RBM34: variants seen among roughly 807,000 people sequenced by gnomAD.
RBM34 encodes RNA binding motif protein 34, also known as RNA-binding protein 34.
In RBM34, 39 loss-of-function variants were observed where a neutral mutation model predicts 44.6. The ratio of observed to expected loss-of-function variants is 0.87; its 90% CI spans 0.68 to 1.14. RBM34 has a LOEUF of 1.14. RBM34 is among the 50% of genes most tolerant of loss of function. The pLI, the probability that RBM34 is intolerant of heterozygous loss-of-function variation, is 0.00. For synonymous variants in RBM34, 194 were observed against 184.0 expected (o/e 1.05, Z -0.44); for missense variants, 572 against 517.9 (o/e 1.10, Z -1.01).
chr1:235,150,628 G>C (rs549679312), intron 5 of RBM34, among the ~76,000 whole-genome samples: 58 of 152,222 alleles, frequency 3.8e-4, no homozygotes, highest in African/African-American at 1.3e-3. Flanking sequence ...AGGAGAGGCA[G>C]GGCCACACTG....
At chr1:235,150,823 T>G (rs1430744287) in intron 5 of RBM34, among the ~76,000 whole-genome samples, 1 of 152,050 alleles carries the variant, frequency 6.6e-6, no homozygotes, top group Non-Finnish European at 1.5e-5. Context: ...GGATGGGTGC[T>G]GTCAAATGCA....
chr1:235,135,327 C>T (rs1661379742), intron 10 of RBM34, among the ~76,000 whole-genome samples: 1 of 151,986 alleles, frequency 6.6e-6, no homozygotes, highest in South Asian at 2.1e-4. Context: ...CTCCCGGGTT[C>T]AAGCGATTCT....
intron 3 of RBM34, among the ~76,000 whole-genome samples, chr1:235,156,176 T>C (rs1361784823): frequency 6.6e-6 from 1 of 151,792 alleles, no homozygotes; most frequent in Non-Finnish European, 1.5e-5. Flanking sequence ...TCTCCTTTTA[T>C]ATTTTTTTGT....
At chr1:235,156,315 A>C (rs1662441150) in intron 3 of RBM34, among the ~76,000 whole-genome samples, 1 of 152,114 alleles carries the variant, frequency 6.6e-6, no homozygotes, top group Non-Finnish European at 1.5e-5. Flanking sequence ...GAATAAGTGA[A>C]GCTCAATTTT....
At chr1:235,160,188 G>C in intron 3 of RBM34, 1 of 458,812 alleles carries the variant, frequency 2.2e-6, no homozygotes, top group Non-Finnish European at 4.3e-6. Flanking sequence ...GGAAGCGGAG[G>C]TTGCAGTGAG....
intron 6 of RBM34, among the ~76,000 whole-genome samples, chr1:235,143,458 G>A (rs7534039): frequency 0.15 from 22,908 of 152,180 alleles, 1,891 homozygotes; most frequent in Middle Eastern, 0.22. Flanking sequence ...GAATGGGGCC[G>A]GGTGCGATGG....
Position 235,138,139 on chromosome 1 carries a change from G to T in RBM34, c.737C>A (p.Ala246Asp). Reference sequence around the variant, plus strand: ...ACTCTCCTCCTTAAACACAACATAGGCATTAATATTTTTCTGATCAGGATG... The same window carrying T: ...ACTCTCCTCCTTAAACACAACATAGTCATTAATATTTTTCTGATCAGGATG... Reference protein sequence around the residue: ...KIHPDQKNINAYVVFKEESAA... With the variant: ...KIHPDQKNINDYVVFKEESAA... The change falls in exon 7 of 11, where the codon GCC (alanine) becomes GAC (aspartate). Residue 246 changes from alanine to aspartate, a missense_variant. By Grantham distance (126) the Ala-to-Asp change is moderately radical. Coordinates refer to ENST00000408888, the MANE Select transcript of RBM34 (RefSeq NM_015014.4). 6.2e-7 allele frequency: 1 copy of T among 1,603,880 alleles called. No homozygotes were observed. The highest frequency in any genetic ancestry group is 8.5e-7 in the Non-Finnish European group (1 of 1,176,996).
chr1:235,160,218 C>T (rs1315407959), intron 3 of RBM34: 2 of 512,058 alleles, frequency 3.9e-6, no homozygotes, highest in Non-Finnish European at 7.5e-6. Flanking sequence ...CTGCACTCTA[C>T]TGCAGCCTGG....
chr1:235,153,319 C>CT (rs1261693219), intron 4 of RBM34, among the ~76,000 whole-genome samples: 1 of 151,494 alleles, frequency 6.6e-6, no homozygotes, highest in Non-Finnish European at 1.5e-5. Context: ...CGGATGTATG[C>CT]TTTTCTTTCA....
intron 3 of RBM34, among the ~76,000 whole-genome samples, chr1:235,158,113 T>G (rs559495534): frequency 2.0e-5 from 3 of 151,940 alleles, no homozygotes; most frequent in African/African-American, 7.2e-5. Context: ...CACGTCTATA[T>G]TAGCAGAAAG....
intron 8 of RBM34, among the ~76,000 whole-genome samples, chr1:235,136,327 T>C (rs1389724708): frequency 4.6e-5 from 7 of 152,216 alleles, no homozygotes; most frequent in Admixed American, 3.9e-4. Flanking sequence ...GACTGCTATA[T>C]TGGGAGCATG....
chr1:235,148,288 G>T, intron 6 of RBM34, 116 bp downstream of exon 6: 1 of 644,496 alleles, frequency 1.6e-6, no homozygotes, highest in Non-Finnish European at 2.5e-6. Context: ...AGTCAATCAT[G>T]CTCTATTATC....
At chr1:235,160,418 G>T (rs1239901746) in intron 3 of RBM34, 93 bp downstream of exon 3, 1 of 1,461,390 alleles carries the variant, frequency 6.8e-7, no homozygotes, top group Non-Finnish European at 9.5e-7. Flanking sequence ...AAAGAAAGTA[G>T]AAATATGAAA....
chr1:235,142,299 A>T (rs539675993), intron 6 of RBM34, among the ~76,000 whole-genome samples: 1 of 152,006 alleles, frequency 6.6e-6, no homozygotes, highest in African/African-American at 2.4e-5. Flanking sequence ...TTATTTTGAG[A>T]CGGAGTTTCT....
chr1:235,153,877 C>T (rs894862339), intron 4 of RBM34, among the ~76,000 whole-genome samples: 7 of 152,172 alleles, frequency 4.6e-5, no homozygotes, highest in Non-Finnish European at 7.3e-5. Context: ...CGTCACACAA[C>T]GGAAGAAACT....
At chr1:235,155,219 T>G in intron 3 of RBM34, 107 bp from the exon 4 acceptor site, 1 of 909,692 alleles carries the variant, frequency 1.1e-6, no homozygotes, top group Middle Eastern at 2.1e-4. Context: ...TCCCAATGTC[T>G]TCTGAATTTT....
intron 2 of RBM34, 84 bp downstream of exon 2, chr1:235,160,809 C>A: frequency 1.3e-6 from 2 of 1,551,898 alleles, no homozygotes. Context: ...CTTTAGAAAT[C>A]ACGCTTCACG....
In RBM34 at chr1:235,154,986, T is replaced by G. The variant is rs764648217; in HGVS notation, c.492A>C (p.Thr164=). ...GAATTTTCTTTCTTTGACTGACAAC[T>G]GTGTCTTCTGTGTCATCAAGTATTT... ...DRKILDDTED[T]VVSQRKKIQI... is the part of the protein sequence containing the mutation. Residue 164 remains threonine, a synonymous_variant, in exon 4 of 11, where the codon ACA becomes ACC. Coordinates refer to ENST00000408888, the MANE Select transcript of RBM34 (RefSeq NM_015014.4). 6.2e-7 allele frequency: 1 copy of G among 1,613,930 alleles called. No homozygotes were observed. The highest frequency in any genetic ancestry group is 1.3e-5 in the African/African-American group (1 of 74,940).
At chr1:235,135,062 T>G (rs1661361268) in intron 10 of RBM34, among the ~76,000 whole-genome samples, 1 of 146,908 alleles carries the variant, frequency 6.8e-6, no homozygotes, top group Non-Finnish European at 1.5e-5. Flanking sequence ...TTTTTTTTTT[T>G]GAAACGGAGT....
Sources: allele counts gnomAD v4.1 joint callset (sites outside exome capture counted in the v4.1 genomes callset), GRCh38; gene constraint gnomAD v4.1.1; transcripts MANE v1.5; gene names NCBI Gene and HGNC (gene_info 2026-07-23, HGNC 2026-07-21).